ROBO1: variants seen among roughly 807,000 people sequenced by gnomAD.
The protein encoded by ROBO1 is roundabout homolog 1.
Under a neutral mutation model 195.9 loss-of-function variants are expected in ROBO1, and 149 were observed. That is an observed-to-expected ratio of 0.76 (90% CI 0.67 to 0.87). The LOEUF is 0.87. Ranked by LOEUF, ROBO1 falls within the 40% of genes least tolerant of loss-of-function variation. The probability of loss-of-function intolerance (pLI) is 0.00; values close to 1 mark genes in which losing one functional copy is unlikely to be tolerated. For missense variants in ROBO1, 1,933 were observed against 2,068.3 expected (o/e 0.93, Z 1.27); for synonymous variants, 816 against 733.2 (o/e 1.11, Z -1.82).
Position 78,598,814 on chromosome 3 carries a change from G to A in ROBO1, c.*99C>T. ...ATAAAAACGACAATTTGTACACTCT[G>A]ATTGCACTGAACATTTTATCTGGCG... On this transcript the variant is annotated 3_prime_UTR_variant, in exon 31 of 31. Coordinates refer to ENST00000464233, the MANE Select transcript of ROBO1 (RefSeq NM_002941.4). 1.4e-6 allele frequency: 1 copy of A among 718,230 alleles called. No individual in the cohort carries two copies. The highest frequency in any genetic ancestry group is 2.3e-6 in the Non-Finnish European group (1 of 430,094). 44.5% of individuals were successfully genotyped at this position (718,230 alleles called of 1,614,324 possible). A position where few individuals can be genotyped will look rare whatever the true frequency, so the allele number is the denominator to read the frequency against.
At chr3:79,744,796 C>T (rs751897303) in intron 1 of ROBO1, among the ~76,000 whole-genome samples, 10 of 151,822 alleles carry the variant, frequency 6.6e-5, no homozygotes, top group Non-Finnish European at 8.8e-5. Context: ...AACAAAGAGC[C>T]CCTTATTCAC....
At chr3:79,282,566 T>C (rs72898014) in intron 2 of ROBO1, among the ~76,000 whole-genome samples, 3,245 of 152,156 alleles carry the variant, frequency 0.021, 102 homozygotes, top group African/African-American at 0.074. Context: ...TCTTGAATGA[T>C]TGAACCTGTG....
Position 78,670,250 on chromosome 3 carries a change from G to A in ROBO1, c.1394C>T (p.Thr465Ile), listed in dbSNP as rs576393729. The change falls in exon 11 of 31, where the codon ACT (threonine) becomes ATT (isoleucine). Residue 465 changes from threonine to isoleucine, a missense_variant. By Grantham distance (89) the Thr-to-Ile change is moderately conservative. Coordinates refer to ENST00000464233, the MANE Select transcript of ROBO1 (RefSeq NM_002941.4). Reference protein sequence around the residue: ...PVIRQGPVNQTVAVDGTFVLS... With the variant: ...PVIRQGPVNQIVAVDGTFVLS... ...GACGAAAGTGCCATCCACGGCTACA[G>A]TCTGATTCACAGGACCTTGTCGAAT... The A allele has an allele frequency of 5.0e-5, 79 of 1,592,148 alleles. 2 individuals carry two copies. The South Asian group carries it at 6.9e-4, about 14-fold the overall frequency.
At chr3:78,995,027 G>A (rs1009650680) in intron 3 of ROBO1, among the ~76,000 whole-genome samples, 2 of 152,134 alleles carry the variant, frequency 1.3e-5, no homozygotes, top group Non-Finnish European at 2.9e-5. Flanking sequence ...ACTAATGACT[G>A]CTATACACTC....
intron 5 of ROBO1, among the ~76,000 whole-genome samples, chr3:78,746,185 A>G (rs1026604233): frequency 3.9e-5 from 6 of 152,240 alleles, no homozygotes; most frequent in Admixed American, 6.5e-5. Flanking sequence ...ATAATTTCTT[A>G]CATCAGAGCA....
chr3:78,638,934 A>G (rs1328314317), intron 22 of ROBO1, among the ~76,000 whole-genome samples: 1 of 152,064 alleles, frequency 6.6e-6, no homozygotes, highest in Non-Finnish European at 1.5e-5. Flanking sequence ...TCTTATCAAC[A>G]TAAATACATT....
intron 1 of ROBO1, among the ~76,000 whole-genome samples, chr3:79,624,200 T>C (rs949121466): frequency 4.6e-5 from 7 of 151,650 alleles, no homozygotes; most frequent in African/African-American, 1.7e-4. Context: ...AGAAGAAGTA[T>C]AAAATATGGA....
chr3:79,576,960 A>C (rs1160285394), intron 2 of ROBO1, among the ~76,000 whole-genome samples: 1 of 152,144 alleles, frequency 6.6e-6, no homozygotes, highest in Non-Finnish European at 1.5e-5. Flanking sequence ...ACACTTCTGA[A>C]TTGGCCCACC....
intron 3 of ROBO1, among the ~76,000 whole-genome samples, chr3:79,085,079 A>G (rs1275626676): frequency 6.6e-6 from 1 of 152,174 alleles, no homozygotes; most frequent in Non-Finnish European, 1.5e-5. Context: ...GCACAAAATG[A>G]AGAGACACTG....
Position 79,589,928 on chromosome 3 carries a change from C to A in ROBO1, c.-17G>T. 6.4e-7 allele frequency: 1 copy of A among 1,574,758 alleles called. No homozygotes were observed. On this transcript the variant is annotated 5_prime_UTR_variant, in exon 2 of 31. An upstream start codon of the reference 5' UTR is lost. Transcript: ENST00000464233. Reference sequence around the variant, plus strand: ...CCATTTCATCTTTGTCCCTTCCTTGCATTACAACCAGCCAGTGACAGACAA... The same window carrying A: ...CCATTTCATCTTTGTCCCTTCCTTGAATTACAACCAGCCAGTGACAGACAA...
At chr3:79,368,499 T>C (rs779247399) in intron 2 of ROBO1, among the ~76,000 whole-genome samples, 9 of 151,742 alleles carry the variant, frequency 5.9e-5, no homozygotes, top group Non-Finnish European at 1.3e-4. Context: ...GTGAGGAAGT[T>C]TTCTGGGAGC....
At chr3:78,664,522 A>G (rs1168916926) in intron 14 of ROBO1, among the ~76,000 whole-genome samples, 1 of 152,194 alleles carries the variant, frequency 6.6e-6, no homozygotes, top group Admixed American at 6.5e-5. Context: ...TCTTCCTTGC[A>G]TAATCAAATC....
intron 8 of ROBO1, among the ~76,000 whole-genome samples, chr3:78,705,197 A>G (rs1254222457): frequency 1.3e-5 from 2 of 152,308 alleles, no homozygotes; most frequent in African/African-American, 4.8e-5. Flanking sequence ...ACTTCACATT[A>G]ATCAGCTATA....
At chr3:79,757,497 C>T (rs1394103426) in intron 1 of ROBO1, among the ~76,000 whole-genome samples, 3 of 141,810 alleles carry the variant, frequency 2.1e-5, no homozygotes, top group Non-Finnish European at 4.5e-5. Context: ...TTCTCTCTCT[C>T]TCTCTCTCTC....
chr3:79,333,062 G>A (rs376507717), intron 2 of ROBO1, among the ~76,000 whole-genome samples: 68 of 151,962 alleles, frequency 4.5e-4, no homozygotes, highest in African/African-American at 1.4e-3. Context: ...AATTAGCCAG[G>A]GGGGGTAGCA....
intron 7 of ROBO1, chr3:78,714,754 G>A (rs1028470579): frequency 2.5e-6 from 1 of 395,258 alleles, no homozygotes; most frequent in Admixed American, 4.4e-5. Context: ...GGGTAAAGTT[G>A]GCATTTATTT....
intron 2 of ROBO1, among the ~76,000 whole-genome samples, chr3:79,392,815 A>G (rs934048360): frequency 6.6e-6 from 1 of 152,206 alleles, no homozygotes; most frequent in African/African-American, 2.4e-5. Context: ...TTAAAAAGCT[A>G]TAACTGGAAG....
chr3:78,808,274 G>A (rs574926491), intron 4 of ROBO1, among the ~76,000 whole-genome samples: 2 of 151,974 alleles, frequency 1.3e-5, no homozygotes, highest in Admixed American at 6.6e-5. Context: ...GTGCAATCTC[G>A]GCTCACTGCA....
chr3:79,435,790 C>A (rs1246032263), intron 2 of ROBO1, among the ~76,000 whole-genome samples: 1 of 152,138 alleles, frequency 6.6e-6, no homozygotes, highest in African/African-American at 2.4e-5. Flanking sequence ...CAGAGGGTTG[C>A]CCTTCCTTTG....
Sources: gnomAD v4.1 joint callset for allele counts (sites outside exome capture counted in the v4.1 genomes callset) on GRCh38, gnomAD v4.1.1 for gene constraint, MANE v1.5 for transcripts, NCBI Gene and HGNC (gene_info 2026-07-23, HGNC 2026-07-21) for gene names.